The following UBAP2 variants were observed in gnomAD, a reference collection of about 807,000 sequenced individuals.
The protein encoded by UBAP2 is ubiquitin-associated protein 2.
UBAP2 carries 75 observed loss-of-function variants against 139.6 expected under a neutral mutation model. That is an observed-to-expected ratio of 0.54 (90% CI 0.45 to 0.65). The LOEUF is 0.65. Ranked by LOEUF, UBAP2 falls within the 30% of genes least tolerant of loss-of-function variation. The pLI is 0.00. For synonymous variants in UBAP2, 526 were observed against 526.2 expected (o/e 1.00, Z 0.01); for missense variants, 1,368 against 1,369.6 (o/e 1.00, Z 0.02).
intron 1 of UBAP2, among the ~76,000 whole-genome samples, chr9:34,039,452 G>A (rs1587703515): frequency 6.6e-6 from 1 of 152,188 alleles, no homozygotes; most frequent in African/African-American, 2.4e-5. Flanking sequence ...TCAGATTGTT[G>A]CTGTGTTTGT....
chr9:33,990,569 A>G (rs564407833), intron 4 of UBAP2, among the ~76,000 whole-genome samples: 60 of 152,068 alleles, frequency 3.9e-4, no homozygotes, highest in African/African-American at 1.4e-3. Flanking sequence ...AGGTATTATC[A>G]TACAGTTCTG....
chr9:33,954,888 T>C (rs1826420488), intron 11 of UBAP2, among the ~76,000 whole-genome samples: 1 of 152,216 alleles, frequency 6.6e-6, no homozygotes, highest in African/African-American at 2.4e-5. Context: ...CTGCCTTCAT[T>C]TCTAAGGTAT....
chr9:34,014,747 A>G (rs1262209994), intron 2 of UBAP2, among the ~76,000 whole-genome samples: 1 of 146,868 alleles, frequency 6.8e-6, no homozygotes, highest in Admixed American at 7.1e-5. Flanking sequence ...GTGAGCCGAG[A>G]CTGGCCACTG....
rs773575839 is a variant in UBAP2, at chr9:33,923,800, T to C, written c.2791A>G (p.Met931Val). The C allele has an allele frequency of 2.5e-6, 4 of 1,613,868 alleles. No individual in the cohort carries two copies. Among genetic ancestry groups the C allele is most frequent in the Admixed American group, 3.3e-5 (2 of 60,004 alleles). The change falls in exon 24 of 29, where the codon ATG becomes GTG. Residue 931 changes from methionine to valine, a missense_variant. Transcript: ENST00000379238. ...MPSAFQYGPT[M>V]FVPPASAKQH... is the part of the protein sequence containing the mutation. Reference sequence around the variant, plus strand: ...ACACCCTCTGAAATACTCACAAACATGGTGGGGCCATACTGGAAGGCACTG... The same window carrying C: ...ACACCCTCTGAAATACTCACAAACACGGTGGGGCCATACTGGAAGGCACTG...
At chr9:33,989,789 T>C (rs186399092) in intron 4 of UBAP2, among the ~76,000 whole-genome samples, 3 of 152,292 alleles carry the variant, frequency 2.0e-5, no homozygotes, top group Non-Finnish European at 2.9e-5. Context: ...AATCTACTTA[T>C]TAATTCAAAG....
chr9:33,997,151 T>G (rs75713847), intron 3 of UBAP2: 1 of 152,320 alleles, frequency 6.6e-6, no homozygotes, highest in East Asian at 1.9e-4. Flanking sequence ...AGACATATTT[T>G]CTCAAGGATC....
chr9:33,944,922 G>A (rs1178652541), intron 13 of UBAP2, among the ~76,000 whole-genome samples: 1 of 152,058 alleles, frequency 6.6e-6, no homozygotes, highest in Non-Finnish European at 1.5e-5. Flanking sequence ...CTGACCATTA[G>A]CTAACAGAGA....
chr9:34,004,760 G>C (rs1402036229), intron 2 of UBAP2, among the ~76,000 whole-genome samples: 1 of 151,242 alleles, frequency 6.6e-6, no homozygotes, highest in Non-Finnish European at 1.5e-5. Context: ...CTCCAGCCTG[G>C]GCAAAAGAGC....
chr9:34,034,857 C>T (rs541150319), intron 1 of UBAP2, among the ~76,000 whole-genome samples: 3 of 145,144 alleles, frequency 2.1e-5, no homozygotes, highest in African/African-American at 7.7e-5. Context: ...TGGGAAACAG[C>T]GAGACTCAAT....
chr9:33,991,056 A>G (rs1821668840), intron 4 of UBAP2, among the ~76,000 whole-genome samples: 1 of 152,132 alleles, frequency 6.6e-6, no homozygotes, highest in African/African-American at 2.4e-5. Flanking sequence ...AGGCCAAAGC[A>G]GGAAGATCAC....
At chr9:34,040,243 A>T (rs1295089135) in intron 1 of UBAP2, among the ~76,000 whole-genome samples, 1 of 146,752 alleles carries the variant, frequency 6.8e-6, no homozygotes, top group Non-Finnish European at 1.5e-5. Flanking sequence ...AGAATCCCTT[A>T]AACTCGGGAG....
intron 1 of UBAP2, among the ~76,000 whole-genome samples, chr9:34,043,489 A>G (rs1827275908): frequency 6.6e-6 from 1 of 152,152 alleles, no homozygotes; most frequent in South Asian, 2.1e-4. Flanking sequence ...TTCAATAAAA[A>G]TCAGCAAGTA....
At chr9:34,025,123 C>A (rs779372036) in intron 1 of UBAP2, among the ~76,000 whole-genome samples, 1 of 152,106 alleles carries the variant, frequency 6.6e-6, no homozygotes, top group African/African-American at 2.4e-5. Flanking sequence ...GAAACTAGAC[C>A]GTAAAAATCA....
At chr9:33,990,781 C>T (rs897584798) in intron 4 of UBAP2, among the ~76,000 whole-genome samples, 4 of 151,740 alleles carry the variant, frequency 2.6e-5, no homozygotes, top group Admixed American at 1.3e-4. Context: ...GGGTTATAGG[C>T]GTACACCACC....
At position 34,016,251 on chromosome 9, in the gene UBAP2, GGAGGAGGAA is replaced by G. The variant is rs1333206342; in HGVS notation, c.99+790_99+798del. ...AGGAAGAGGAAGGGGAGGAAGAGGA[GGAGGAGGAA>G]GAGGAGGAAGAGAAGGAGGAAGAGG... On this transcript the variant is annotated intron_variant, in intron 2 of 28. Coordinates refer to ENST00000379238, the MANE Select transcript of UBAP2 (RefSeq NM_001370062.2). Among the ~76,000 whole-genome samples the G allele has an allele frequency of 6.5e-3, 120 of 18,326 alleles. 1 individual carries two copies. The highest frequency in any genetic ancestry group is 0.017 in the Non-Finnish European group (98 of 5,636). The allele number at this position is 18,326 out of a possible 152,430, so 12.0% of individuals were successfully genotyped here.
intron 2 of UBAP2, among the ~76,000 whole-genome samples, chr9:33,999,234 C>T (rs901404998): frequency 6.6e-6 from 1 of 151,482 alleles, no homozygotes; most frequent in East Asian, 1.9e-4. Context: ...CTTTGGGAAG[C>T]CAAGGTAGAA....
chr9:33,969,262 T>C (rs1254704798), intron 8 of UBAP2, among the ~76,000 whole-genome samples: 1 of 152,216 alleles, frequency 6.6e-6, no homozygotes, highest in Non-Finnish European at 1.5e-5. Context: ...TTTTAAAAGT[T>C]AAACAAACTA....
chr9:33,959,266 G>C (rs1434916990), intron 10 of UBAP2, among the ~76,000 whole-genome samples: 2 of 152,156 alleles, frequency 1.3e-5, no homozygotes, highest in East Asian at 3.8e-4. Context: ...TGAAGGAGTA[G>C]TAAGACCCAA....
At chr9:33,935,604 T>G in intron 17 of UBAP2, 1 of 575,968 alleles carries the variant, frequency 1.7e-6, no homozygotes, top group Admixed American at 3.3e-5. Flanking sequence ...GCTGCACTTG[T>G]GGTGCAGTCT....
Sources: gnomAD v4.1 joint callset for allele counts (sites outside exome capture counted in the v4.1 genomes callset) on GRCh38, gnomAD v4.1.1 for gene constraint, MANE v1.5 for transcripts, NCBI Gene and HGNC (gene_info 2026-07-23, HGNC 2026-07-21) for gene names.